CELA2A: variants seen among roughly 807,000 people sequenced by gnomAD.
The protein encoded by CELA2A is chymotrypsin like elastase 2A, also known as chymotrypsin-like elastase family member 2A.
A neutral mutation model predicts 35.3 loss-of-function variants in CELA2A; 31 were observed. The ratio of observed to expected loss-of-function variants is 0.88; its 90% CI spans 0.66 to 1.19. The LOEUF is 1.19. Among genes scored for constraint, CELA2A ranks in the 50% most tolerant of loss-of-function variants. CELA2A has a pLI of 0.00. For missense variants in CELA2A, 330 were observed against 352.9 expected (o/e 0.94, Z 0.52); for synonymous variants, 150 against 149.8 (o/e 1.00, Z -0.01).
intron 5 of CELA2A, 165 bp from the exon 6 acceptor site, chr1:15,465,834 C>CT: frequency 2.6e-6 from 2 of 761,222 alleles, no homozygotes; most frequent in South Asian, 3.6e-5. Flanking sequence ...GTCAGGTGTT[C>CT]ACTGCTGAAC....
intron 7 of CELA2A, among the ~76,000 whole-genome samples, chr1:15,468,019 G>A (rs1342758215): frequency 2.0e-5 from 3 of 151,264 alleles, no homozygotes; most frequent in African/African-American, 7.3e-5. Context: ...TTGAACCTGG[G>A]AGATGGAGGT....
chr1:15,471,875 T>G (rs764651721), intron 7 of CELA2A, 115 bp from the exon 8 acceptor site: 9 of 1,246,376 alleles, frequency 7.2e-6, no homozygotes, highest in Non-Finnish European at 8.3e-6. Context: ...GCTACTGTAG[T>G]GTGGGCTGCC....
At chr1:15,467,271 C>G in intron 6 of CELA2A, 115 bp from the exon 7 acceptor site, 1 of 1,091,420 alleles carries the variant, frequency 9.2e-7, no homozygotes. Flanking sequence ...CCACAAGGGT[C>G]AGCTTCCGAG....
intron 6 of CELA2A, among the ~76,000 whole-genome samples, chr1:15,467,044 C>T (rs1225796150): frequency 3.9e-5 from 6 of 152,196 alleles, no homozygotes; most frequent in South Asian, 4.1e-4. Context: ...GGCCTCAGCT[C>T]CTTTACAAAC....
intron 3 of CELA2A, chr1:15,461,891 A>G (rs544183163): frequency 1.5e-6 from 1 of 689,326 alleles, no homozygotes; most frequent in South Asian, 1.5e-5. Context: ...GATGAAGAGG[A>G]GGGGAAGGCC....
In CELA2A at chr1:15,462,720, C is replaced by T; in HGVS notation, c.228-13C>T. 6.2e-7 allele frequency: 1 copy of T among 1,613,904 alleles called. No individual in the cohort carries two copies. Among genetic ancestry groups the T allele is most frequent in the South Asian group, 1.1e-5 (1 of 91,068 alleles). ...CTGGAGGTGACCCTCTCCCTGGGCCCCCTTTCTCCCAGCTCCTCCAGGACC... is the reference window on the plus strand; with the variant it reads ...CTGGAGGTGACCCTCTCCCTGGGCCTCCTTTCTCCCAGCTCCTCCAGGACC... On this transcript the variant is annotated splice_polypyrimidine_tract_variant and intron_variant, in intron 3 of 7. Coordinates refer to ENST00000359621, the MANE Select transcript of CELA2A (RefSeq NM_033440.3).
Position 15,462,812 on chromosome 1 carries a change from T to C in CELA2A, c.307T>C (p.Ser103Pro), listed in dbSNP as rs367677257. The C allele has an allele frequency of 6.2e-7, 1 of 1,613,932 alleles. No individual in the cohort carries two copies. Among genetic ancestry groups the C allele is most frequent in the African/African-American group, 1.3e-5 (1 of 74,878 alleles). The change falls in exon 4 of 8, where the codon TCT becomes CCT. Residue 103 changes from serine to proline, a missense_variant. Physicochemically the swap from Ser to Pro is moderately conservative, Grantham distance 74. Transcript: ENST00000359621. The stretch of plus-strand genomic sequence containing the variant: ...GTCCGGCTCGCTGGCAGTCAGTGTC[T>C]CTAAGATTGTGGTGCACAAGGACTG... The part of the protein sequence containing the change: ...AESGSLAVSV[S>P]KIVVHKDWNS...
At chr1:15,457,385 G>A in intron 2 of CELA2A, 1 of 534,342 alleles carries the variant, frequency 1.9e-6, no homozygotes, top group Admixed American at 3.2e-5. Flanking sequence ...GCTGTGGTGG[G>A]CAGATCACCT....
chr1:15,462,784 G>A lies in CELA2A; in HGVS notation c.279G>A (p.Ala93=), dbSNP rs781660282. 41 of 1,614,096 alleles carry A rather than the reference G, an allele frequency of 2.5e-5. No individual in the cohort carries two copies. The highest frequency in any genetic ancestry group is 1.8e-4 in the South Asian group (16 of 91,084). The change falls in exon 4 of 8, where the codon GCG becomes GCA. Residue 93 remains alanine (A), a synonymous_variant. Transcript: ENST00000359621. ...TGGGCCGGCACAACCTCTACGTTGCGGAGTCCGGCTCGCTGGCAGTCAGTG... is the reference window on the plus strand; with the variant it reads ...TGGGCCGGCACAACCTCTACGTTGCAGAGTCCGGCTCGCTGGCAGTCAGTG... ...VGLGRHNLYV[A]ESGSLAVSVS...
chr1:15,469,773 C>T (rs1242378388), intron 7 of CELA2A, among the ~76,000 whole-genome samples: 1 of 152,164 alleles, frequency 6.6e-6, no homozygotes. Context: ...GGAGGCGCCA[C>T]CCACATGTCA....
chr1:15,468,651 T>A (rs532123852), intron 7 of CELA2A, among the ~76,000 whole-genome samples: 80 of 151,916 alleles, frequency 5.3e-4, no homozygotes, highest in African/African-American at 1.0e-3. Flanking sequence ...TACAAAAAAA[T>A]TTTTTTTAAT....
intron 2 of CELA2A, among the ~76,000 whole-genome samples, chr1:15,460,586 C>G (rs957032306): frequency 5.3e-5 from 8 of 151,284 alleles, no homozygotes; most frequent in African/African-American, 1.9e-4. Flanking sequence ...AATGAAGGAA[C>G]AGGAAGGGCA....
At chr1:15,458,357 T>C (rs1316452688) in intron 2 of CELA2A, among the ~76,000 whole-genome samples, 1 of 99,754 alleles carries the variant, frequency 1.0e-5, no homozygotes, top group East Asian at 4.1e-4. Flanking sequence ...CTTCCAAGCA[T>C]TTAACTTTGT....
At chr1:15,465,358 C>T (rs564713869) in intron 5 of CELA2A, among the ~76,000 whole-genome samples, 5 of 152,060 alleles carry the variant, frequency 3.3e-5, no homozygotes, top group Non-Finnish European at 5.9e-5. Flanking sequence ...TTGTGTTAAT[C>T]TCATCCTTGC....
In CELA2A at chr1:15,462,631, T is replaced by A. The variant is rs1339299269; in HGVS notation, c.228-102T>A. The A allele has an allele frequency of 2.0e-5, 29 of 1,437,444 alleles. No homozygotes were observed. The African/African-American group carries it at 3.7e-4, about 18-fold the overall frequency. 89.0% of individuals were successfully genotyped at this position (1,437,444 alleles called of 1,614,324 possible). A position where few individuals can be genotyped will look rare whatever the true frequency, so the allele number is the denominator to read the frequency against. On this transcript the variant is annotated intron_variant, in intron 3 of 7. Transcript: ENST00000359621. ...GGGGAGGAAAGATCCCCAAGTCCCA[T>A]CTAGTGGCTCACGCAGCAGCCAGTT...
chr1:15,469,360 G>A (rs192261443), intron 7 of CELA2A, among the ~76,000 whole-genome samples: 12 of 152,296 alleles, frequency 7.9e-5, no homozygotes, highest in Admixed American at 2.6e-4. Flanking sequence ...CAATTTAGGC[G>A]CTAGAGCAAA....
intron 7 of CELA2A, among the ~76,000 whole-genome samples, chr1:15,468,575 G>A (rs1252901366): frequency 6.6e-6 from 1 of 152,206 alleles, no homozygotes; most frequent in African/African-American, 2.4e-5. Context: ...GGGAGGCCAA[G>A]GAGGGAGGAT....
At position 15,467,548 on chromosome 1, in the gene CELA2A, G is replaced by A. The variant is rs369011281; in HGVS notation, c.792+10G>A. 18 of 1,613,614 alleles carry A rather than the reference G, an allele frequency of 1.1e-5. No individual in the cohort carries two copies. Among genetic ancestry groups the A allele is most frequent in the Admixed American group, 8.3e-5 (5 of 59,982 alleles). On this transcript the variant is annotated intron_variant, in intron 7 of 7. Coordinates refer to ENST00000359621, the MANE Select transcript of CELA2A (RefSeq NM_033440.3). ...CGACTGGATCAATTCGGTAAGAACC[G>A]GACCAGCCCTGAGCCCCAAGGCACT...
In CELA2A at chr1:15,458,420, T is replaced by A. The variant is rs537363184; in HGVS notation, c.129+1246T>A. The stretch of plus-strand genomic sequence containing the variant: ...GAACTCATATTTCATTGGTTACATG[T>A]TTAATCAAATTTCATTATTACAAGC... On this transcript the variant is annotated intron_variant, in intron 2 of 7. Transcript: ENST00000359621. 1.2e-4 allele frequency among the ~76,000 whole-genome samples: 18 copies of A among 152,308 alleles called. No individual in the cohort carries two copies. The South Asian group carries it at 3.7e-3, about 32-fold the overall frequency.
Sources: allele counts gnomAD v4.1 joint callset (sites outside exome capture counted in the v4.1 genomes callset), GRCh38; gene constraint gnomAD v4.1.1; transcripts MANE v1.5; gene names NCBI Gene and HGNC (gene_info 2026-07-23, HGNC 2026-07-21).